Variants in MYO5B observed in about 807,000 individuals in gnomAD.
MYO5B encodes unconventional myosin-Vb.
Under a neutral mutation model 229.3 loss-of-function variants are expected in MYO5B, and 143 were observed. The observed-to-expected ratio is 0.62, with a 90% CI of 0.54 to 0.72. MYO5B has a LOEUF of 0.72. MYO5B is among the 30% of genes least tolerant of loss of function. The pLI is 0.00. For missense variants in MYO5B, 2,321 were observed against 2,331.0 expected, an observed-to-expected ratio of 1.00 and a Z score of 0.09; for synonymous variants, 918 against 885.2, an observed-to-expected ratio of 1.04 and a Z score of -0.66.
chr18:50,125,820 G>A (rs1160592100), intron 1 of MYO5B, among the ~76,000 whole-genome samples: 1 of 152,172 alleles, frequency 6.6e-6, no homozygotes, highest in Admixed American at 6.5e-5. Context: ...ATTATTATTA[G>A]CCTTAAAAGG....
chr18:50,055,361 G>T lies in MYO5B; in HGVS notation c.45C>A (p.Ile15=). The T allele has an allele frequency of 6.2e-7, 1 of 1,613,468 alleles. No individual in the cohort carries two copies. Among genetic ancestry groups the T allele is most frequent in the Non-Finnish European group, 8.5e-7 (1 of 1,179,642 alleles). ...AGCGCCATACCTCATCAGGGTCAGG[G>T]ATCCAGACCCTTGTGCACTGAAAGA... is the stretch of plus-strand genomic sequence containing the variant. The part of the protein sequence containing the change: ...ELYSQCTRVW[I]PDPDEVWRSA... Residue 15 remains isoleucine (I), a synonymous_variant, in exon 2 of 40, where the codon ATC becomes ATA. Coordinates refer to ENST00000285039, the MANE Select transcript of MYO5B (RefSeq NM_001080467.3).
intron 18 of MYO5B, among the ~76,000 whole-genome samples, chr18:49,908,348 G>A (rs184987300): frequency 6.6e-6 from 1 of 152,078 alleles, no homozygotes; most frequent in Non-Finnish European, 1.5e-5. Flanking sequence ...CTGATCAGTC[G>A]ATCAATCATC....
chr18:50,158,959 A>G (rs1163933334), intron 1 of MYO5B, among the ~76,000 whole-genome samples: 1 of 152,226 alleles, frequency 6.6e-6, no homozygotes, highest in South Asian at 2.1e-4. Flanking sequence ...TGCCGTTATC[A>G]TTATTAATGG....
At chr18:50,111,243 C>T (rs1216478930) in intron 1 of MYO5B, among the ~76,000 whole-genome samples, 1 of 152,178 alleles carries the variant, frequency 6.6e-6, no homozygotes, top group Non-Finnish European at 1.5e-5. Context: ...GTTGCACTGC[C>T]ATCATTTATA....
Position 49,965,173 on chromosome 18 carries a change from G to A in MYO5B, c.1323-2143C>T, listed in dbSNP as rs781338025. Among the ~76,000 whole-genome samples, 31 of 152,178 alleles carry A rather than the reference G, an allele frequency of 2.0e-4. 1 individual carries two copies. Among genetic ancestry groups the A allele is most frequent in the Non-Finnish European group, 2.9e-5 (2 of 68,042 alleles). ...ACTGCTGGTGGCCAACCAATAGAAAGGTTCTGGGCATGAAGGAAGATGTGG... is the reference window on the plus strand; with the variant it reads ...ACTGCTGGTGGCCAACCAATAGAAAAGTTCTGGGCATGAAGGAAGATGTGG... On this transcript the variant is annotated intron_variant, in intron 10 of 39. Transcript: ENST00000285039.
intron 1 of MYO5B, among the ~76,000 whole-genome samples, chr18:50,193,792 C>T (rs916908336): frequency 6.6e-6 from 1 of 152,240 alleles, no homozygotes; most frequent in African/African-American, 2.4e-5. Context: ...GAAGAAAAGG[C>T]CTTTGCCCCT....
At chr18:50,147,201 G>T (rs1297546480) in intron 1 of MYO5B, among the ~76,000 whole-genome samples, 2 of 152,098 alleles carry the variant, frequency 1.3e-5, no homozygotes, top group African/African-American at 2.4e-5. Context: ...ACGCCTTTCA[G>T]AGCCTTCATC....
intron 4 of MYO5B, 30 bp from the exon 5 acceptor site, chr18:50,001,441 TG>T: frequency 1.2e-6 from 2 of 1,613,680 alleles, no homozygotes; most frequent in Non-Finnish European, 1.7e-6. Flanking sequence ...GATAAGTCAT[TG>T]GCCATGGAAA....
chr18:50,094,104 C>T lies in MYO5B; in HGVS notation c.28-38726G>A, dbSNP rs117382566. ...TCTTTGTGTGAGATCCAAGAACCTT[C>T]TCTTGGGGTCTGTATCAGGACCCCT... On this transcript the variant is annotated intron_variant, in intron 1 of 39. Transcript: ENST00000285039. 4.0e-3 allele frequency among the ~76,000 whole-genome samples: 611 copies of T among 152,334 alleles called. 18 individuals carry two copies. In the East Asian group the frequency reaches 0.099, roughly 25 times the overall value.
intron 1 of MYO5B, among the ~76,000 whole-genome samples, chr18:50,111,471 T>C (rs2031863609): frequency 6.6e-6 from 1 of 152,210 alleles, no homozygotes; most frequent in Non-Finnish European, 1.5e-5. Context: ...TCATTCTCTT[T>C]GAAAGTTCTG....
At chr18:50,188,816 A>C (rs74839251) in intron 1 of MYO5B, among the ~76,000 whole-genome samples, 73,458 of 141,214 alleles carry the variant, frequency 0.52, 19,169 homozygotes, top group Admixed American at 0.61. Flanking sequence ...AAAAAAAAAA[A>C]ACACACACAC....
intron 9 of MYO5B, among the ~76,000 whole-genome samples, 169 bp from the exon 10 acceptor site, chr18:49,974,784 C>CACACACACACAG (rs1555648463): frequency 5.7e-5 from 5 of 88,228 alleles, no homozygotes; most frequent in Non-Finnish European, 1.4e-4. Context: ...CTCTCTCACA[C>CACACACACACAG]ACACACACAC....
intron 1 of MYO5B, among the ~76,000 whole-genome samples, chr18:50,075,339 A>G (rs17728957): frequency 0.14 from 21,594 of 152,124 alleles, 1,633 homozygotes; most frequent in East Asian, 0.23. Context: ...CAAGACATGA[A>G]GAATCCAAGT....
chr18:50,011,109 G>T (rs1225938498), intron 4 of MYO5B, among the ~76,000 whole-genome samples: 1 of 152,174 alleles, frequency 6.6e-6, no homozygotes, highest in African/African-American at 2.4e-5. Flanking sequence ...TTGGGAGGCC[G>T]AGGCAGGCAG....
chr18:50,037,202 C>T (rs2026458455), intron 3 of MYO5B, among the ~76,000 whole-genome samples: 2 of 150,820 alleles, frequency 1.3e-5, no homozygotes, highest in Admixed American at 1.3e-4. Flanking sequence ...AGCATACACA[C>T]ATACACACAC....
intron 1 of MYO5B, among the ~76,000 whole-genome samples, chr18:50,177,642 G>C (rs2033015709): frequency 6.6e-6 from 1 of 152,330 alleles, no homozygotes; most frequent in Middle Eastern, 3.4e-3. Flanking sequence ...GATTCCAAGA[G>C]TTCTTTTTAA....
chr18:50,069,981 TG>T (rs1341111045), intron 1 of MYO5B, among the ~76,000 whole-genome samples: 1 of 151,832 alleles, frequency 6.6e-6, no homozygotes, highest in Non-Finnish European at 1.5e-5. Flanking sequence ...GCCTTAGTTC[TG>T]GACTTCATCT....
rs185994050 is a variant in MYO5B at position 49,965,521 on chromosome 18, A to G, written c.1323-2491T>C. Among the ~76,000 whole-genome samples the G allele has an allele frequency of 1.7e-3, 261 of 151,772 alleles. 2 individuals are homozygous for G. Among genetic ancestry groups the G allele is most frequent in the Admixed American group, 7.7e-3 (117 of 15,244 alleles). ...CTATACTGCCCAATGCACCAAATGG[A>G]CGGCAGTGGCCCCACTAATGAGAGC... On this transcript the variant is annotated intron_variant, in intron 10 of 39. Coordinates refer to ENST00000285039, the MANE Select transcript of MYO5B (RefSeq NM_001080467.3).
intron 1 of MYO5B, among the ~76,000 whole-genome samples, chr18:50,121,625 G>A (rs903183522): frequency 1.3e-5 from 2 of 152,220 alleles, no homozygotes; most frequent in Non-Finnish European, 2.9e-5. Flanking sequence ...AACTCACTAT[G>A]ATCAGGGCCT....
Sources: gnomAD v4.1 joint callset for allele counts (sites outside exome capture counted in the v4.1 genomes callset) on GRCh38, gnomAD v4.1.1 for gene constraint, MANE v1.5 for transcripts, NCBI Gene and HGNC (gene_info 2026-07-23, HGNC 2026-07-21) for gene names.